Variants in WDR20 observed in about 807,000 individuals in gnomAD.
WDR20 encodes WD repeat-containing protein 20.
Under a neutral mutation model 38.7 loss-of-function variants are expected in WDR20, and 3 were observed. The observed-to-expected ratio is 0.08, with a 90% CI of 0.04 to 0.20. The LOEUF is 0.20. Ranked by LOEUF, WDR20 falls within the 10% of genes least tolerant of loss-of-function variation. The pLI is 1.00. For missense variants in WDR20, 559 were observed against 727.7 expected (o/e 0.77, Z 2.67); for synonymous variants, 298 against 285.6 (o/e 1.04, Z -0.44).
downstream of WDR20, among the ~76,000 whole-genome samples, chr14:102,219,804 C>T (rs913088094): frequency 2.6e-5 from 4 of 152,248 alleles, no homozygotes; most frequent in Non-Finnish European, 5.9e-5. Flanking sequence ...AGCCTGCTAA[C>T]GGGAACCCCC....
rs59078063 is a variant in WDR20, at chr14:102,173,433, A to AATT, written c.250-21459_250-21457dup. Among the ~76,000 whole-genome samples, 1,208 of 138,848 alleles carry AATT rather than the reference A, an allele frequency of 8.7e-3. 13 individuals are homozygous for AATT. The highest frequency in any genetic ancestry group is 0.01 in the Non-Finnish European group (657 of 65,606). 91.1% of individuals were successfully genotyped at this position (138,848 alleles called of 152,430 possible). ...CCGGCCTGTTTTTTTCTTTTTTTAAAATTATTATTATTATTATTATTATTA... is the reference window on the plus strand; with the variant it reads ...CCGGCCTGTTTTTTTCTTTTTTTAAAATTATTATTATTATTATTATTATTATTA... On this transcript the variant is annotated intron_variant, in intron 1 of 2. Transcript: ENST00000342702.
chr14:102,143,791 C>T (rs2052445610), intron 1 of WDR20, among the ~76,000 whole-genome samples: 1 of 151,954 alleles, frequency 6.6e-6, no homozygotes, highest in Non-Finnish European at 1.5e-5. Context: ...GATCCACCCT[C>T]CTCGGCCTTC....
chr14:102,193,638 A>G, intron 1 of WDR20: 1 of 851,254 alleles, frequency 1.2e-6, no homozygotes, highest in Non-Finnish European at 1.7e-6. Context: ...TTGCTCAAAG[A>G]CGCCTGTAAT....
chr14:102,179,451 AAAAAG>A (rs1263560825), intron 1 of WDR20, among the ~76,000 whole-genome samples: 1,693 of 150,818 alleles, frequency 0.011, 37 homozygotes, highest in African/African-American at 0.039. Flanking sequence ...TAAAAAAAAA[AAAAAG>A]AAAGAAAAAA....
downstream of WDR20, among the ~76,000 whole-genome samples, chr14:102,212,179 C>CT (rs942002592): frequency 3.9e-5 from 6 of 152,162 alleles, no homozygotes; most frequent in African/African-American, 1.4e-4. Flanking sequence ...CTGTGTGTGT[C>CT]TTTCTCCCCC....
chr14:102,218,878 C>T (rs907195160), downstream of WDR20, among the ~76,000 whole-genome samples: 105 of 152,334 alleles, frequency 6.9e-4, no homozygotes, highest in East Asian at 3.7e-3. Context: ...CAGCAGCTCC[C>T]GCACGCTGCT....
intron 1 of WDR20, among the ~76,000 whole-genome samples, chr14:102,143,635 C>G (rs2052346517): frequency 6.6e-6 from 1 of 151,800 alleles, no homozygotes; most frequent in African/African-American, 2.4e-5. Flanking sequence ...ACCTCTGCCT[C>G]CTAGGTTCAA....
At chr14:102,216,702 G>A (rs1178671745), downstream of WDR20, among the ~76,000 whole-genome samples, 1 of 152,186 alleles carries the variant, frequency 6.6e-6, no homozygotes, top group Non-Finnish European at 1.5e-5. Flanking sequence ...GGCCGAGGCG[G>A]GTGGATCACC....
rs149870190 is a variant in WDR20 at position 102,161,762 on chromosome 14, CAG to C, written c.249+21591_249+21592del. Among the ~76,000 whole-genome samples the C allele has an allele frequency of 7.5e-3, 1,140 of 152,180 alleles. 22 individuals carry two copies. Among genetic ancestry groups the C allele is most frequent in the African/African-American group, 0.026 (1,067 of 41,462 alleles). On this transcript the variant is annotated intron_variant, in intron 1 of 2. Transcript: ENST00000342702. The stretch of plus-strand genomic sequence containing the variant: ...TTTCAGCCCGGTTTAGGTGGCAAAA[CAG>C]TGGTGGAAATGTTAGGCTTCACATC...
chr14:102,185,267 G>A (rs1216586152), intron 1 of WDR20, among the ~76,000 whole-genome samples: 1 of 152,078 alleles, frequency 6.6e-6, no homozygotes, highest in African/African-American at 2.4e-5. Flanking sequence ...TAAGTGCCAG[G>A]GATTCTGCTG....
chr14:102,184,879 A>C (rs147946381), intron 1 of WDR20, among the ~76,000 whole-genome samples: 3 of 152,282 alleles, frequency 2.0e-5, no homozygotes, highest in Non-Finnish European at 4.4e-5. Flanking sequence ...GCCGGGGCTC[A>C]TTCCAGGTCA....
chr14:102,193,330 T>C (rs8003556), intron 1 of WDR20: 204,319 of 830,568 alleles, frequency 0.25, 33,245 homozygotes, highest in African/African-American at 0.71. Flanking sequence ...TGCCTTGCTG[T>C]ACAGCGGCCG....
chr14:102,218,052 G>A (rs999126623), downstream of WDR20, among the ~76,000 whole-genome samples: 1 of 152,214 alleles, frequency 6.6e-6, no homozygotes, highest in African/African-American at 2.4e-5. Context: ...CCAAGCTCCC[G>A]GATGTTGTGG....
intron 1 of WDR20, chr14:102,193,416 CT>C: frequency 6.3e-7 from 1 of 1,589,214 alleles, no homozygotes; most frequent in Non-Finnish European, 8.6e-7. Flanking sequence ...TTGTATTACA[CT>C]TTTCAAGGCT....
intron 1 of WDR20, among the ~76,000 whole-genome samples, chr14:102,175,481 TATG>T (rs1356035558): frequency 6.6e-6 from 1 of 152,206 alleles, no homozygotes; most frequent in African/African-American, 2.4e-5. Flanking sequence ...AGCCAGGTAA[TATG>T]ATGCCCCCAG....
intron 1 of WDR20, among the ~76,000 whole-genome samples, chr14:102,143,004 C>A (rs1174203148): frequency 6.6e-6 from 1 of 151,964 alleles, no homozygotes; most frequent in East Asian, 1.9e-4. Flanking sequence ...AGTAGTCTAA[C>A]GTTCATGCTG....
chr14:102,158,621 C>T (rs1033270306), intron 1 of WDR20, among the ~76,000 whole-genome samples: 1 of 152,042 alleles, frequency 6.6e-6, no homozygotes, highest in African/African-American at 2.4e-5. Flanking sequence ...CAACTTTGTC[C>T]TCAGATCTTC....
intron 2 of WDR20, among the ~76,000 whole-genome samples, chr14:102,203,653 C>T (rs2060932284): frequency 6.6e-6 from 1 of 152,076 alleles, no homozygotes; most frequent in Admixed American, 6.5e-5. Flanking sequence ...GGAGCATGGC[C>T]CCTGGTGCTT....
intron 1 of WDR20, among the ~76,000 whole-genome samples, chr14:102,151,754 T>A (rs1378833859): frequency 6.6e-6 from 1 of 151,286 alleles, no homozygotes; most frequent in African/African-American, 2.4e-5. Context: ...TTTTTTTTTT[T>A]AATGAAACAA....
Sources: allele counts gnomAD v4.1 joint callset (sites outside exome capture counted in the v4.1 genomes callset), GRCh38; gene constraint gnomAD v4.1.1; transcripts MANE v1.5; gene names NCBI Gene and HGNC (gene_info 2026-07-23, HGNC 2026-07-21).